The following SCN8A variants were observed in gnomAD, a reference collection of about 807,000 sequenced individuals.
SCN8A encodes sodium voltage-gated channel alpha subunit 8.
A neutral mutation model predicts 184.1 loss-of-function variants in SCN8A; 30 were observed. That is an observed-to-expected ratio of 0.16 (90% CI 0.12 to 0.22). The LOEUF (loss-of-function observed/expected upper bound fraction) is 0.22, where lower values mean the gene tolerates loss of function less well. Among genes scored for constraint, SCN8A ranks in the 10% least tolerant of loss-of-function variants. SCN8A has a pLI of 1.00. For synonymous variants in SCN8A, 852 were observed against 907.0 expected (o/e 0.94, Z 1.09); for missense variants, 1,057 against 2,498.9 (o/e 0.42, Z 12.30).
At chr12:51,785,901 G>T (rs1938071738) in intron 21 of SCN8A, among the ~76,000 whole-genome samples, 1 of 152,194 alleles carries the variant, frequency 6.6e-6, no homozygotes, top group Non-Finnish European at 1.5e-5. Context: ...GAATAAAAAG[G>T]CTGGAGAAGT....
Position 51,678,218 on chromosome 12 carries a change from G to A in SCN8A, c.277-5956G>A, listed in dbSNP as rs115070868. 1.7e-3 allele frequency among the ~76,000 whole-genome samples: 263 copies of A among 152,246 alleles called. 1 individual carries two copies. The highest frequency in any genetic ancestry group is 6.1e-3 in the African/African-American group (255 of 41,540). The stretch of plus-strand genomic sequence containing the variant: ...TATTCACTGTTCTCCTGAGAACAGG[G>A]GATAAAAGTAGGGGAGATAGTGCAG... On this transcript the variant is annotated intron_variant, in intron 2 of 26. Transcript: ENST00000627620.
chr12:51,650,117 C>G (rs1940676600), intron 1 of SCN8A, among the ~76,000 whole-genome samples: 2 of 152,194 alleles, frequency 1.3e-5, no homozygotes, highest in South Asian at 4.1e-4. Flanking sequence ...GCAAGAGTCA[C>G]CTTTGCTGCA....
chr12:51,645,958 A>AT (rs1244263696), intron 1 of SCN8A, among the ~76,000 whole-genome samples: 506 of 21,748 alleles, frequency 0.023, no homozygotes, highest in East Asian at 0.12. Flanking sequence ...ATTAAAAAAA[A>AT]AAAAAAATAA....
chr12:51,701,608 A>C (rs1028974329), intron 8 of SCN8A, among the ~76,000 whole-genome samples: 3 of 152,202 alleles, frequency 2.0e-5, no homozygotes, highest in African/African-American at 4.8e-5. Context: ...GTAGCAACGT[A>C]GTATTTGAGT....
intron 1 of SCN8A, among the ~76,000 whole-genome samples, chr12:51,603,930 T>C (rs1008997346): frequency 2.0e-5 from 3 of 152,164 alleles, no homozygotes; most frequent in African/African-American, 7.2e-5. Context: ...AGTTTTGAGA[T>C]TTTTGTTTTT....
rs138890199 is a variant in SCN8A, at chr12:51,607,462, T to C, written c.-55+16103T>C. The stretch of plus-strand genomic sequence containing the variant: ...GCTCTGGCTAGGACTTCCAGTACTA[T>C]GTTGAAGACAAGTGGTGAGAGTAGG... On this transcript the variant is annotated intron_variant, in intron 1 of 26. Coordinates refer to ENST00000627620, the MANE Select transcript of SCN8A (RefSeq NM_001330260.2). Among the ~76,000 whole-genome samples the C allele has an allele frequency of 3.3e-3, 510 of 152,288 alleles. 7 individuals are homozygous for C. The highest frequency in any genetic ancestry group is 0.03 in the Admixed American group (457 of 15,300).
intron 12 of SCN8A, chr12:51,722,974 A>G (rs1451978605): frequency 1.3e-5 from 2 of 152,224 alleles, no homozygotes; most frequent in Non-Finnish European, 2.9e-5. Context: ...TTCAGCTGGT[A>G]TAAACTCCTT....
chr12:51,702,321 CAAAA>C (rs747855764), intron 8 of SCN8A, among the ~76,000 whole-genome samples: 9 of 76,556 alleles, frequency 1.2e-4, no homozygotes, highest in Admixed American at 2.8e-4. Flanking sequence ...GACTCTGTAT[CAAAA>C]AAAAAAAAAA....
At chr12:51,738,268 C>T (rs548364118) in intron 12 of SCN8A, among the ~76,000 whole-genome samples, 5 of 152,172 alleles carry the variant, frequency 3.3e-5, no homozygotes, top group Non-Finnish European at 7.4e-5. Context: ...TAATAAATCT[C>T]TTCCCCATAA....
At chr12:51,686,987 T>G in intron 4 of SCN8A, 104 bp from the exon 5 acceptor site, 1 of 1,199,458 alleles carries the variant, frequency 8.3e-7, no homozygotes, top group Non-Finnish European at 1.2e-6. Context: ...CCTTTCTGTT[T>G]TGTCTCTCTT....
chr12:51,770,174 T>G lies in SCN8A; in HGVS notation c.3490+189T>G, dbSNP rs574671885. On this transcript the variant is annotated intron_variant, in intron 18 of 26. Coordinates refer to ENST00000627620, the MANE Select transcript of SCN8A (RefSeq NM_001330260.2). ...GTATCTGACAAGTATATAACAAGTTTCTATTCTCACACTTTTCATCATCCA... is the reference window on the plus strand; with the variant it reads ...GTATCTGACAAGTATATAACAAGTTGCTATTCTCACACTTTTCATCATCCA... 1.2e-5 allele frequency: 7 copies of G among 594,334 alleles called. No individual in the cohort carries two copies. The South Asian group carries it at 1.5e-4, about 13-fold the overall frequency. 36.8% of individuals were successfully genotyped at this position (594,334 alleles called of 1,614,324 possible). A position where few individuals can be genotyped will look rare whatever the true frequency, so the allele number is the denominator to read the frequency against.
chr12:51,806,551 G>C lies in SCN8A; in HGVS notation c.5065G>C (p.Glu1689Gln). The C allele has an allele frequency of 6.2e-7, 1 of 1,614,164 alleles. No individual in the cohort carries two copies. Among genetic ancestry groups the C allele is most frequent in the Non-Finnish European group, 8.5e-7 (1 of 1,180,034 alleles). The change falls in exon 27 of 27, where the codon GAG becomes CAG. Residue 1689 changes from glutamate to glutamine, a missense_variant. This residue lies in a region of SCN8A where 19 missense variants were observed against 41.6 expected (regional missense o/e 0.46). Transcript: ENST00000627620. This position sits in a 1 kb window ranked among gnomAD's most constrained non-coding sequence, Gnocchi z 8.7. ...EAGIDDMFNF[E>Q]TFGNSMICLF... ...TGGTATCGATGACATGTTCAACTTT[G>C]AGACATTTGGCAACAGCATGATCTG...
chr12:51,591,614 C>A (rs970110729), intron 1 of SCN8A, among the ~76,000 whole-genome samples: 1 of 152,176 alleles, frequency 6.6e-6, no homozygotes, highest in Non-Finnish European at 1.5e-5. Flanking sequence ...GTCCCCACCC[C>A]GGACACCCTG....
At chr12:51,788,654 C>G (rs760536577) in intron 22 of SCN8A, 41 bp from the exon 23 acceptor site, 1 of 1,554,732 alleles carries the variant, frequency 6.4e-7, no homozygotes, top group Non-Finnish European at 8.8e-7. Context: ...CCCATCCACT[C>G]CCTTTATAGG....
At chr12:51,681,065 A>T (rs942516956) in intron 2 of SCN8A, among the ~76,000 whole-genome samples, 3 of 152,070 alleles carry the variant, frequency 2.0e-5, no homozygotes, top group Non-Finnish European at 4.4e-5. Flanking sequence ...TCCTAAGGAG[A>T]GGTTTTGTAG....
chr12:51,620,651 A>G (rs1461563434), intron 1 of SCN8A, among the ~76,000 whole-genome samples: 2 of 151,918 alleles, frequency 1.3e-5, no homozygotes, highest in Non-Finnish European at 2.9e-5. Flanking sequence ...TCTATTTTGA[A>G]TTTTGCCTTC....
rs762966744 is a variant in SCN8A, at chr12:51,806,769, C to T, written c.5283C>T (p.Tyr1761=). 6.2e-7 allele frequency: 1 copy of T among 1,614,190 alleles called. No individual in the cohort carries two copies. Residue 1761 remains tyrosine (Y), a synonymous_variant, in exon 27 of 27, where the codon TAC becomes TAT. Coordinates refer to ENST00000627620, the MANE Select transcript of SCN8A (RefSeq NM_001330260.2). This position sits in a 1 kb window ranked among gnomAD's most constrained non-coding sequence, Gnocchi z 8.7. ...IISFLIVVNM[Y]IAIILENFSV... ...CTTTCCTAATTGTCGTGAACATGTACATTGCCATCATCCTGGAGAACTTCA... is the reference window on the plus strand; with the variant it reads ...CTTTCCTAATTGTCGTGAACATGTATATTGCCATCATCCTGGAGAACTTCA...
At chr12:51,718,078 A>G (rs1327888978) in intron 11 of SCN8A, among the ~76,000 whole-genome samples, 1 of 152,256 alleles carries the variant, frequency 6.6e-6, no homozygotes, top group African/African-American at 2.4e-5. Context: ...GTACATTACA[A>G]GAAGAGACAG....
intron 6 of SCN8A, 79 bp from the exon 7 acceptor site, chr12:51,699,491 G>T: frequency 9.8e-7 from 1 of 1,018,472 alleles, no homozygotes; most frequent in South Asian, 1.6e-5. Context: ...AGGAGTAGCA[G>T]CCAGTGGCTA....
Sources: gnomAD v4.1 joint callset for allele counts (sites outside exome capture counted in the v4.1 genomes callset) on GRCh38, gnomAD v4.1.1 for gene constraint, gnomAD v4.1.1 regional missense constraint, Gnocchi (gnomAD v3.1) non-coding constraint, MANE v1.5 for transcripts, NCBI Gene and HGNC (gene_info 2026-07-23, HGNC 2026-07-21) for gene names.